Variants in CERT1 observed in about 807,000 individuals in gnomAD.
The protein encoded by CERT1 is ceramide transporter 1, also known as ceramide transfer protein.
In CERT1, 31 loss-of-function variants were observed where a neutral mutation model predicts 87.9. The ratio of observed to expected loss-of-function variants is 0.35; its 90% CI spans 0.27 to 0.48. The LOEUF (loss-of-function observed/expected upper bound fraction) is 0.48, where lower values mean the gene tolerates loss of function less well. CERT1 is among the 20% of genes least tolerant of loss of function. The probability of loss-of-function intolerance (pLI) is 0.99; values close to 1 mark genes in which losing one functional copy is unlikely to be tolerated. For synonymous variants in CERT1, 289 were observed against 250.9 expected (o/e 1.15, Z -1.44); for missense variants, 487 against 758.0 (o/e 0.64, Z 4.20).
intron 11 of CERT1, among the ~76,000 whole-genome samples, 183 bp from the exon 12 acceptor site, chr5:75,389,870 G>C (rs560886844): frequency 6.6e-6 from 1 of 152,264 alleles, no homozygotes; most frequent in East Asian, 1.9e-4. Flanking sequence ...AGATATCCAG[G>C]TTAATGACAG....
chr5:75,419,236 T>A, intron 6 of CERT1, 105 bp downstream of exon 6: 1 of 686,146 alleles, frequency 1.5e-6, no homozygotes, highest in East Asian at 2.9e-5. Flanking sequence ...TTCCACCAGT[T>A]CTACTGCTTT....
intron 2 of CERT1, among the ~76,000 whole-genome samples, chr5:75,492,316 T>C (rs1219616999): frequency 1.3e-5 from 2 of 152,084 alleles, no homozygotes; most frequent in African/African-American, 4.8e-5. Context: ...CAAGCCATGA[T>C]TGCATCACTG....
intron 8 of CERT1, among the ~76,000 whole-genome samples, chr5:75,403,497 C>T (rs1762582256): frequency 6.6e-6 from 1 of 152,204 alleles, no homozygotes; most frequent in African/African-American, 2.4e-5. Flanking sequence ...CAGTGATGCT[C>T]ATTCAGCTAT....
chr5:75,395,632 C>T (rs959434730), intron 11 of CERT1, among the ~76,000 whole-genome samples: 40 of 149,968 alleles, frequency 2.7e-4, no homozygotes, highest in Non-Finnish European at 7.4e-5. Context: ...GAGGCCGAGA[C>T]GGGCAGATCA....
chr5:75,487,633 A>G (rs1766584446), intron 2 of CERT1, among the ~76,000 whole-genome samples: 1 of 152,106 alleles, frequency 6.6e-6, no homozygotes, highest in Non-Finnish European at 1.5e-5. Context: ...ATAAGAAGAA[A>G]TCTAGTAATC....
At chr5:75,490,642 G>T (rs1216683869) in intron 2 of CERT1, among the ~76,000 whole-genome samples, 1 of 151,986 alleles carries the variant, frequency 6.6e-6, no homozygotes, top group Non-Finnish European at 1.5e-5. Flanking sequence ...GGGACTACAG[G>T]CGCCCACCAC....
At chr5:75,445,157 G>T (rs1294002894) in intron 3 of CERT1, among the ~76,000 whole-genome samples, 1 of 152,082 alleles carries the variant, frequency 6.6e-6, no homozygotes, top group Non-Finnish European at 1.5e-5. Context: ...TTACAAACCA[G>T]TTACAATACT....
intron 17 of CERT1, chr5:75,371,066 A>AAT (rs1761068365): frequency 2.0e-5 from 3 of 152,186 alleles, no homozygotes; most frequent in African/African-American, 7.2e-5. Context: ...AGAGTAGGGC[A>AAT]ATATCTCAGG....
chr5:75,467,537 A>G (rs1181351022), intron 2 of CERT1, among the ~76,000 whole-genome samples: 2 of 150,768 alleles, frequency 1.3e-5, no homozygotes, highest in African/African-American at 4.9e-5. Context: ...GCTACTTGGG[A>G]GGCTGAGTCC....
At chr5:75,447,274 T>C (rs1053567286) in intron 3 of CERT1, among the ~76,000 whole-genome samples, 3 of 152,066 alleles carry the variant, frequency 2.0e-5, no homozygotes, top group African/African-American at 2.4e-5. Flanking sequence ...GGGTAATTGT[T>C]GTCTAGGTGG....
intron 3 of CERT1, among the ~76,000 whole-genome samples, chr5:75,451,601 TAA>T (rs1764771490): frequency 6.6e-6 from 1 of 152,220 alleles, no homozygotes; most frequent in Admixed American, 6.5e-5. Flanking sequence ...AATGCAAAGC[TAA>T]GTTTTATATA....
chr5:75,467,876 T>C (rs539276653), intron 2 of CERT1, among the ~76,000 whole-genome samples: 24 of 152,270 alleles, frequency 1.6e-4, no homozygotes, highest in Non-Finnish European at 2.5e-4. Flanking sequence ...AATCAGACCA[T>C]AGATGGAAAC....
At chr5:75,496,014 T>C (rs1049051373) in intron 2 of CERT1, among the ~76,000 whole-genome samples, 6 of 152,204 alleles carry the variant, frequency 3.9e-5, no homozygotes, top group African/African-American at 9.6e-5. Flanking sequence ...TAACTGTAGA[T>C]AAATTTTTAG....
At chr5:75,375,423 A>G (rs994093411), downstream of CERT1, 2 of 151,600 alleles carry the variant, frequency 1.3e-5, no homozygotes, top group Non-Finnish European at 2.9e-5. Context: ...CAACTCTACT[A>G]AAAGTATAAA....
At chr5:75,385,104 C>T (rs1029842474) in intron 13 of CERT1, among the ~76,000 whole-genome samples, 1 of 152,138 alleles carries the variant, frequency 6.6e-6, no homozygotes, top group Admixed American at 6.6e-5. Flanking sequence ...TGTCAAACTG[C>T]CAATGATAAA....
intron 7 of CERT1, 31 bp from the exon 8 acceptor site, chr5:75,411,134 T>A (rs1181455490): frequency 8.1e-7 from 1 of 1,231,260 alleles, no homozygotes; most frequent in Non-Finnish European, 1.2e-6. Flanking sequence ...ATCTGTAATT[T>A]GAGGCAGGCA....
chr5:75,416,842 G>A (rs1561247421), intron 7 of CERT1, 34 bp downstream of exon 7: 1 of 1,526,830 alleles, frequency 6.5e-7, no homozygotes. Flanking sequence ...ACTTAAATGT[G>A]ATTATTTTTA....
chr5:75,428,416 C>T (rs143294485), intron 3 of CERT1, among the ~76,000 whole-genome samples: 1,873 of 152,238 alleles, frequency 0.012, 43 homozygotes, highest in African/African-American at 0.042. Context: ...CGGTGGCTCA[C>T]GCCTGTAATC....
At chr5:75,392,428 T>G (rs1310058571) in intron 11 of CERT1, among the ~76,000 whole-genome samples, 1 of 152,218 alleles carries the variant, frequency 6.6e-6, no homozygotes, top group Non-Finnish European at 1.5e-5. Context: ...TGCAATAAAC[T>G]CTGCAAAACT....
Sources: allele counts gnomAD v4.1 joint callset (sites outside exome capture counted in the v4.1 genomes callset), GRCh38; gene constraint gnomAD v4.1.1; transcripts MANE v1.5; gene names NCBI Gene and HGNC (gene_info 2026-07-23, HGNC 2026-07-21).